Variants in GSAP observed in about 807,000 individuals in gnomAD.
GSAP encodes gamma-secretase activating protein, also known as gamma-secretase-activating protein.
Under a neutral mutation model 131.7 loss-of-function variants are expected in GSAP, and 118 were observed. That is an observed-to-expected ratio of 0.90 (90% confidence interval 0.77 to 1.04). The LOEUF is 1.04. GSAP is among the 50% of genes least tolerant of loss of function. The probability of loss-of-function intolerance (pLI) is 0.00; values close to 1 mark genes in which losing one functional copy is unlikely to be tolerated. For missense variants in GSAP, 1,019 were observed against 1,013.2 expected (o/e 1.01, Z -0.08); for synonymous variants, 381 against 363.4 (o/e 1.05, Z -0.55).
At chr7:77,320,621 C>T in intron 26 of GSAP, 104 bp downstream of exon 26, 1 of 719,104 alleles carries the variant, frequency 1.4e-6, no homozygotes, top group East Asian at 2.6e-5. Flanking sequence ...CACAATTTCT[C>T]ATACACAAGT....
chr7:77,368,552 T>C (rs1795651183), intron 12 of GSAP, among the ~76,000 whole-genome samples: 2 of 152,040 alleles, frequency 1.3e-5, no homozygotes. Flanking sequence ...CTCTGGGGGG[T>C]GAGACTCAGG....
intron 19 of GSAP, among the ~76,000 whole-genome samples, chr7:77,334,134 T>C (rs1057402426): frequency 1.3e-5 from 2 of 152,186 alleles, no homozygotes; most frequent in Middle Eastern, 3.2e-3. Flanking sequence ...GTATGTTCAC[T>C]GCAGCACTAT....
chr7:77,381,309 C>T lies in GSAP; in HGVS notation c.572G>A (p.Arg191Lys). ...RIHVAQEDGNRVVIKNSGHLP... is the reference protein window; with the variant it reads ...RIHVAQEDGNKVVIKNSGHLP... The stretch of plus-strand genomic sequence containing the variant: ...AAAAGAATTTCAAATCTTTACCACT[C>T]TATTTCCATCTTCTTGGGCGACATG... Residue 191 changes from arginine to lysine, a missense_variant, in exon 8 of 31, where the codon AGA becomes AAA. Arg to Lys is a conservative substitution (Grantham distance 26). Transcript: ENST00000257626. The T allele has an allele frequency of 6.4e-7, 1 of 1,552,588 alleles. No individual in the cohort carries two copies. The highest frequency in any genetic ancestry group is 8.8e-7 in the Non-Finnish European group (1 of 1,141,274).
chr7:77,377,712 T>G (rs1051170351), intron 8 of GSAP, among the ~76,000 whole-genome samples: 28 of 152,218 alleles, frequency 1.8e-4, no homozygotes, highest in African/African-American at 6.8e-4. Context: ...GATTCGGAAC[T>G]TACTGTTCTG....
At chr7:77,416,162 A>C in intron 1 of GSAP, 51 bp downstream of exon 1, 1 of 1,083,586 alleles carries the variant, frequency 9.2e-7, no homozygotes, top group Non-Finnish European at 1.3e-6. Context: ...GGGGGGTATG[A>C]GGGACTCCCA....
chr7:77,333,178 T>C (rs1252853032), intron 19 of GSAP, among the ~76,000 whole-genome samples: 1 of 151,454 alleles, frequency 6.6e-6, no homozygotes, highest in Non-Finnish European at 1.5e-5. Flanking sequence ...AAAAAAGAAA[T>C]GCAGAGATTA....
chr7:77,396,440 A>G (rs139021682), intron 5 of GSAP, among the ~76,000 whole-genome samples: 83 of 152,276 alleles, frequency 5.5e-4, no homozygotes, highest in Non-Finnish European at 1.0e-3. Flanking sequence ...AGTACCATGC[A>G]TAATGCCTGA....
chr7:77,347,136 G>A (rs994150470), intron 19 of GSAP, among the ~76,000 whole-genome samples: 3 of 151,976 alleles, frequency 2.0e-5, no homozygotes, highest in East Asian at 1.9e-4. Flanking sequence ...GAAGCTCCAC[G>A]TCCCTTCCCC....
In GSAP at chr7:77,416,220, G is replaced by A; in HGVS notation, c.102C>T (p.Gly34=). 1.7e-6 allele frequency: 2 copies of A among 1,197,046 alleles called. No homozygotes were observed. Among genetic ancestry groups the A allele is most frequent in the Admixed American group, 3.1e-5 (1 of 31,782 alleles). 74.2% of individuals were successfully genotyped at this position (1,197,046 alleles called of 1,614,324 possible). The part of the protein sequence containing the change: ...AVSEASGAGS[G]GADVLENDYE... The stretch of plus-strand genomic sequence containing the variant: ...GCAGCGCGCCTCCCGCACCTGCGCC[G>A]CCGCTTCCGGCCCCGCTGGCCTCCG... The change falls in exon 1 of 31, where the codon GGC becomes GGT. Residue 34 remains glycine, a synonymous_variant. Coordinates refer to ENST00000257626, the MANE Select transcript of GSAP (RefSeq NM_017439.4).
chr7:77,370,783 A>G (rs1796002058), intron 12 of GSAP, among the ~76,000 whole-genome samples: 1 of 152,090 alleles, frequency 6.6e-6, no homozygotes, highest in African/African-American at 2.4e-5. Context: ...TTTCACCTCA[A>G]TTCCACAACA....
chr7:77,389,124 T>TG (rs527296750), intron 5 of GSAP, among the ~76,000 whole-genome samples: 124 of 152,074 alleles, frequency 8.2e-4, no homozygotes, highest in African/African-American at 2.8e-3. Context: ...GGTGAGTATG[T>TG]GGGGGGGAAA....
chr7:77,400,450 G>A (rs1283250149), intron 3 of GSAP, among the ~76,000 whole-genome samples: 3 of 152,114 alleles, frequency 2.0e-5, no homozygotes, highest in African/African-American at 7.2e-5. Flanking sequence ...ATCAGTGGAG[G>A]CCAAGTGGGG....
chr7:77,389,987 G>C (rs942379252), intron 5 of GSAP, among the ~76,000 whole-genome samples: 2 of 152,206 alleles, frequency 1.3e-5, no homozygotes, highest in Admixed American at 6.5e-5. Context: ...TAACTGGTGT[G>C]AGATAGTATC....
chr7:77,342,184 T>A (rs1413758697), intron 19 of GSAP, among the ~76,000 whole-genome samples: 10 of 152,182 alleles, frequency 6.6e-5, no homozygotes, highest in African/African-American at 2.4e-4. Flanking sequence ...CGCTGCACCA[T>A]CACCTCAGAA....
intron 2 of GSAP, among the ~76,000 whole-genome samples, chr7:77,405,397 C>T (rs749049904): frequency 6.6e-6 from 1 of 152,142 alleles, no homozygotes; most frequent in African/African-American, 2.4e-5. Flanking sequence ...AAAATGTTAA[C>T]ATATTAATTA....
At chr7:77,361,734 T>C (rs1215658879) in intron 13 of GSAP, among the ~76,000 whole-genome samples, 3 of 152,132 alleles carry the variant, frequency 2.0e-5, no homozygotes. Flanking sequence ...AAACAATAAC[T>C]CCTTAGCATG....
chr7:77,403,761 T>A (rs944671002), intron 3 of GSAP, among the ~76,000 whole-genome samples: 3 of 152,234 alleles, frequency 2.0e-5, no homozygotes, highest in Non-Finnish European at 4.4e-5. Flanking sequence ...GAGCCAATTT[T>A]ACTTAAATCT....
At chr7:77,366,166 T>C (rs929255689) in intron 12 of GSAP, among the ~76,000 whole-genome samples, 2 of 152,162 alleles carry the variant, frequency 1.3e-5, no homozygotes, top group Admixed American at 6.5e-5. Flanking sequence ...TTGCAAATAT[T>C]TTCTCCCAAT....
At chr7:77,352,600 C>A (rs753347161) in intron 18 of GSAP, among the ~76,000 whole-genome samples, 1 of 152,154 alleles carries the variant, frequency 6.6e-6, no homozygotes, top group Non-Finnish European at 1.5e-5. Context: ...TAGCAGCAAT[C>A]CACCCATTCC....
Sources: allele counts gnomAD v4.1 joint callset (sites outside exome capture counted in the v4.1 genomes callset), GRCh38; gene constraint gnomAD v4.1.1; transcripts MANE v1.5; gene names NCBI Gene and HGNC (gene_info 2026-07-23, HGNC 2026-07-21).